The following PSMG4 variants were observed in gnomAD, a reference collection of about 807,000 sequenced individuals.
PSMG4 encodes the protein proteasome (prosome, macropain) assembly chaperone 4.
Under a neutral mutation model 11.0 loss-of-function variants are expected in PSMG4, and 10 were observed. The ratio of observed to expected loss-of-function variants is 0.91; its 90% CI spans 0.56 to 1.54. PSMG4 has a LOEUF of 1.54. PSMG4 is among the 40% of genes most tolerant of loss of function. The pLI, the probability that PSMG4 is intolerant of heterozygous loss-of-function variation, is 0.00. For synonymous variants in PSMG4, 95 were observed against 71.3 expected (o/e 1.33, Z -1.68); for missense variants, 198 against 160.9 (o/e 1.23, Z -1.25).
chr6:3,259,556 C>G (rs1206807489), intron 1 of PSMG4, among the ~76,000 whole-genome samples: 1 of 152,224 alleles, frequency 6.6e-6, no homozygotes, highest in Non-Finnish European at 1.5e-5. Flanking sequence ...TTTGGGGACT[C>G]TTGCGTCTCC....
chr6:3,258,922 A>C (rs1757853759), upstream of PSMG4: 1 of 1,150,866 alleles, frequency 8.7e-7, no homozygotes, highest in East Asian at 3.2e-5. Flanking sequence ...CCGAAAGCGA[A>C]AGCGCGCTCG....
At chr6:3,259,973 A>G (rs1276592287) in intron 1 of PSMG4, among the ~76,000 whole-genome samples, 4 of 152,148 alleles carry the variant, frequency 2.6e-5, no homozygotes, top group Admixed American at 2.6e-4. Context: ...AAGGTCTCTC[A>G]CTGTCACCCA....
chr6:3,264,209 G>A (rs1273861537), intron 2 of PSMG4: 3 of 1,551,518 alleles, frequency 1.9e-6, no homozygotes, highest in Middle Eastern at 3.3e-4. Flanking sequence ...TACCGTTCAG[G>A]GCTCGGAGGG....
upstream of PSMG4, chr6:3,254,922 A>T: frequency 9.9e-7 from 1 of 1,008,534 alleles, no homozygotes; most frequent in Non-Finnish European, 1.4e-6. Context: ...CTGGTGCTTC[A>T]GCCATTCTCT....
At chr6:3,254,481 T>G (rs990551073), upstream of PSMG4, among the ~76,000 whole-genome samples, 1 of 152,146 alleles carries the variant, frequency 6.6e-6, no homozygotes, top group South Asian at 2.1e-4. Flanking sequence ...AGATAAATAT[T>G]GTTGCTGGTG....
At chr6:3,254,476 A>T (rs4997140), upstream of PSMG4, among the ~76,000 whole-genome samples, 3 of 151,696 alleles carry the variant, frequency 2.0e-5, no homozygotes, top group Non-Finnish European at 4.4e-5. Context: ...TTTTTAGATA[A>T]ATATTGTTGC....
At chr6:3,256,603 A>G (rs1412450379), upstream of PSMG4, among the ~76,000 whole-genome samples, 1 of 151,464 alleles carries the variant, frequency 6.6e-6, no homozygotes, top group East Asian at 1.9e-4. Context: ...AGGCATCATA[A>G]TGTTTTTGGG....
At position 3,267,694 on chromosome 6, in the gene PSMG4, T is replaced by G; in HGVS notation, c.354T>G (p.Ala118=). Residue 118 remains alanine, a synonymous_variant, in exon 3 of 3, where the codon GCT becomes GCG. Transcript: ENST00000438998. Reference sequence around the variant, plus strand: ...ACAGGATCAAGGAAGAGATGGAGGCTTTCCCCGAAAAGTTCTAGCTGAGTG... The same window carrying G: ...ACAGGATCAAGGAAGAGATGGAGGCGTTCCCCGAAAAGTTCTAGCTGAGTG... ...VENRIKEEME[A]FPEKF is the part of the protein sequence containing the mutation. The G allele has an allele frequency of 6.4e-7, 1 of 1,552,228 alleles. No individual in the cohort carries two copies. The highest frequency in any genetic ancestry group is 1.7e-4 in the Middle Eastern group (1 of 5,998).
In PSMG4 at chr6:3,267,886, G is replaced by A. The variant is rs1189237577; in HGVS notation, c.*174G>A. 3 of 587,438 alleles carry A rather than the reference G, an allele frequency of 5.1e-6. No individual in the cohort carries two copies. The highest frequency in any genetic ancestry group is 3.7e-5 in the African/African-American group (2 of 53,490). 36.4% of individuals were successfully genotyped at this position (587,438 alleles called of 1,614,324 possible). A position where few individuals can be genotyped will look rare whatever the true frequency, so the allele number is the denominator to read the frequency against. On this transcript the variant is annotated 3_prime_UTR_variant, in exon 3 of 3. Coordinates refer to ENST00000438998, the MANE Select transcript of PSMG4 (RefSeq NM_001128591.2). ...AAAGGCTCATACTGACCCACCTGGTGAAGGAGAGGCAAAGTGGGCAGTATA... is the reference window on the plus strand; with the variant it reads ...AAAGGCTCATACTGACCCACCTGGTAAAGGAGAGGCAAAGTGGGCAGTATA...
chr6:3,260,199 GCCCGAC>G, intron 1 of PSMG4, among the ~76,000 whole-genome samples: 1 of 69,174 alleles, frequency 1.4e-5, no homozygotes. Context: ...TCCTCAGTGA[GCCCGAC>G]TCTTCTCATA....
upstream of PSMG4, chr6:3,255,159 T>TACTG: frequency 6.4e-7 from 1 of 1,550,936 alleles, no homozygotes; most frequent in Non-Finnish European, 8.7e-7. Context: ...AGCAGGGCCA[T>TACTG]ACTGACGGCT....
upstream of PSMG4, among the ~76,000 whole-genome samples, chr6:3,257,489 T>C (rs1388375181): frequency 6.6e-6 from 1 of 152,234 alleles, no homozygotes; most frequent in Non-Finnish European, 1.5e-5. Flanking sequence ...TCCTCCTAGC[T>C]GATTGAAGGG....
chr6:3,260,283 ATATATATATTTTT>A (rs1265606390), intron 1 of PSMG4, among the ~76,000 whole-genome samples: 1 of 30,224 alleles, frequency 3.3e-5, no homozygotes, highest in Non-Finnish European at 6.5e-5. Flanking sequence ...AATTGTATAT[ATATATATATTTTT>A]TTTTTTTTTT....
intron 1 of PSMG4, among the ~76,000 whole-genome samples, 197 bp downstream of exon 1, chr6:3,259,393 G>GCCCCTCTCCTTGTCCCGCCGC (rs1757885533): frequency 6.6e-6 from 1 of 152,190 alleles, no homozygotes; most frequent in East Asian, 1.9e-4. Context: ...CGGGCCCCGG[G>GCCCCTCTCCTTGTCCCGCCGC]CCCCTCTCCT....
At chr6:3,258,223 C>T (rs568453657), upstream of PSMG4, among the ~76,000 whole-genome samples, 35 of 152,308 alleles carry the variant, frequency 2.3e-4, no homozygotes, top group African/African-American at 8.2e-4. Context: ...TCTTGAGATC[C>T]TTTCCACGTC....
chr6:3,255,964 C>G (rs962671583), upstream of PSMG4, among the ~76,000 whole-genome samples: 1 of 152,216 alleles, frequency 6.6e-6, no homozygotes, highest in Non-Finnish European at 1.5e-5. Context: ...ACCACTCTAG[C>G]AAAGATTCCA....
chr6:3,254,465 CT>C (rs1001192732), upstream of PSMG4, among the ~76,000 whole-genome samples: 1 of 150,810 alleles, frequency 6.6e-6, no homozygotes, highest in Non-Finnish European at 1.5e-5. Flanking sequence ...TTTTGTGTGT[CT>C]TTTTAGATAA....
At chr6:3,256,378 C>A (rs1385604940), upstream of PSMG4, among the ~76,000 whole-genome samples, 1 of 152,190 alleles carries the variant, frequency 6.6e-6, no homozygotes, top group African/African-American at 2.4e-5. Context: ...ATTTTCTGTT[C>A]CTGTATGGAT....
At chr6:3,261,831 C>CT (rs1479594899) in intron 1 of PSMG4, among the ~76,000 whole-genome samples, 1 of 152,192 alleles carries the variant, frequency 6.6e-6, no homozygotes, top group Non-Finnish European at 1.5e-5. Flanking sequence ...CTGTGGAGCT[C>CT]TTGTACCTTG....
Sources: allele counts gnomAD v4.1 joint callset (sites outside exome capture counted in the v4.1 genomes callset), GRCh38; gene constraint gnomAD v4.1.1; transcripts MANE v1.5; gene names NCBI Gene and HGNC (gene_info 2026-07-23, HGNC 2026-07-21).